CSGALNACT1: variants seen among roughly 807,000 people sequenced by gnomAD.
CSGALNACT1 encodes chondroitin sulfate N-acetylgalactosaminyltransferase 1, also known as beta4GalNAcT-1.
A neutral mutation model predicts 51.0 loss-of-function variants in CSGALNACT1; 52 were observed. The observed-to-expected ratio is 1.02, with a 90% CI of 0.82 to 1.29. CSGALNACT1 has a LOEUF of 1.29. Among genes scored for constraint, CSGALNACT1 ranks in the 50% most tolerant of loss-of-function variants. The pLI is 0.00. For missense variants in CSGALNACT1, 935 were observed against 679.2 expected (o/e 1.38, Z -4.19); for synonymous variants, 341 against 254.4 (o/e 1.34, Z -3.24).
intron 3 of CSGALNACT1, among the ~76,000 whole-genome samples, chr8:19,508,609 A>G (rs1186889396): frequency 6.6e-6 from 1 of 152,184 alleles, no homozygotes; most frequent in East Asian, 1.9e-4. Context: ...CAAGAATTAA[A>G]TTACCAGTGA....
chr8:19,635,553 T>C (rs543772629), intron 1 of CSGALNACT1, among the ~76,000 whole-genome samples: 1 of 152,194 alleles, frequency 6.6e-6, no homozygotes, highest in Non-Finnish European at 1.5e-5. Flanking sequence ...CCCCCTTGTC[T>C]GTAGTCTCAC....
chr8:19,604,698 G>A (rs868238614), upstream of CSGALNACT1, among the ~76,000 whole-genome samples: 11 of 150,158 alleles, frequency 7.3e-5, no homozygotes, highest in African/African-American at 2.7e-4. Flanking sequence ...ACAATGTCAG[G>A]AGATCAAGAC....
chr8:19,543,333 C>T (rs901439981), intron 3 of CSGALNACT1, among the ~76,000 whole-genome samples: 8 of 152,288 alleles, frequency 5.3e-5, no homozygotes, highest in Middle Eastern at 3.4e-3. Context: ...TAACATAGCA[C>T]GCCTGAGGCT....
exon 1 of CSGALNACT1, chr8:19,602,086 A>C (rs189204465): frequency 6.8e-5 from 20 of 293,890 alleles, no homozygotes; most frequent in Non-Finnish European, 1.3e-4. Flanking sequence ...AAACAGTGAT[A>C]ACCATGTCTA....
At chr8:19,537,415 G>A (rs1445183386) in intron 3 of CSGALNACT1, among the ~76,000 whole-genome samples, 1 of 152,176 alleles carries the variant, frequency 6.6e-6, no homozygotes, top group Non-Finnish European at 1.5e-5. Context: ...ATTTTTTAAA[G>A]CATGTGAACC....
chr8:19,486,319 G>A (rs1437502899), intron 4 of CSGALNACT1, among the ~76,000 whole-genome samples: 1 of 152,034 alleles, frequency 6.6e-6, no homozygotes, highest in Non-Finnish European at 1.5e-5. Flanking sequence ...CTGCCTAATG[G>A]TGGTCTCTGA....
chr8:19,618,653 A>AAAG (rs1564273027), intron 1 of CSGALNACT1, among the ~76,000 whole-genome samples: 19 of 91,400 alleles, frequency 2.1e-4, no homozygotes, highest in African/African-American at 1.0e-3. Flanking sequence ...AAAAAAAAAA[A>AAAG]AAAGAAAGAA....
intron 8 of CSGALNACT1, 112 bp downstream of exon 7, chr8:19,418,544 T>C (rs1415595272): frequency 2.6e-6 from 2 of 775,816 alleles, no homozygotes; most frequent in Middle Eastern, 2.2e-4. Context: ...TAAAAACTAC[T>C]AAGGGAATCA....
chr8:19,684,909 A>G (rs2060887347), upstream of CSGALNACT1, among the ~76,000 whole-genome samples: 2 of 152,234 alleles, frequency 1.3e-5, no homozygotes, highest in South Asian at 2.1e-4. Context: ...TTCTTTAAAA[A>G]AATGTGTGAA....
At chr8:19,667,831 T>C (rs1280603464) in intron 1 of CSGALNACT1, among the ~76,000 whole-genome samples, 1 of 152,220 alleles carries the variant, frequency 6.6e-6, no homozygotes, top group Non-Finnish European at 1.5e-5. Flanking sequence ...GGGTATTACA[T>C]ACTGGTAAGA....
chr8:19,516,372 C>T (rs1020896987), intron 3 of CSGALNACT1, among the ~76,000 whole-genome samples: 1 of 152,108 alleles, frequency 6.6e-6, no homozygotes, highest in African/African-American at 2.4e-5. Context: ...ACTGTTCAAC[C>T]CGCTTCATAA....
At chr8:19,614,149 G>A (rs376406303) in intron 1 of CSGALNACT1, among the ~76,000 whole-genome samples, 1 of 152,044 alleles carries the variant, frequency 6.6e-6, no homozygotes, top group African/African-American at 2.4e-5. Flanking sequence ...TTTTAAAAAC[G>A]TGTATTGATC....
At chr8:19,674,223 G>A (rs181494731) in intron 1 of CSGALNACT1, among the ~76,000 whole-genome samples, 72 of 152,292 alleles carry the variant, frequency 4.7e-4, no homozygotes, top group African/African-American at 1.7e-3. Flanking sequence ...AACCTGGGAG[G>A]TGGAGGTTGC....
At chr8:19,517,030 T>C (rs907774041) in intron 3 of CSGALNACT1, among the ~76,000 whole-genome samples, 3 of 152,224 alleles carry the variant, frequency 2.0e-5, no homozygotes, top group Non-Finnish European at 4.4e-5. Flanking sequence ...TCAAACCTGA[T>C]ATGTGGGTGT....
At chr8:19,704,222 C>T (rs1336289936) in intron 1 of CSGALNACT1, among the ~76,000 whole-genome samples, 2 of 152,146 alleles carry the variant, frequency 1.3e-5, no homozygotes, top group African/African-American at 4.8e-5. Context: ...GAATGTGCTG[C>T]CAAAGGAGAA....
Position 19,517,354 on chromosome 8 carries a change from C to T in CSGALNACT1, c.-296-11224G>A, listed in dbSNP as rs143889747. Among the ~76,000 whole-genome samples, 993 of 152,200 alleles carry T rather than the reference C, an allele frequency of 6.5e-3. 9 individuals carry two copies. Among genetic ancestry groups the T allele is most frequent in the African/African-American group, 0.022 (925 of 41,526 alleles). On this transcript the variant is annotated intron_variant, in intron 3 of 9. Transcript: ENST00000454498. Reference sequence around the variant, plus strand: ...GCTCGGGAGGCTGAGGCAGGAGAATCGCTTGAATCTGGGAGGCAGAGGTTG... The same window carrying T: ...GCTCGGGAGGCTGAGGCAGGAGAATTGCTTGAATCTGGGAGGCAGAGGTTG...
intron 1 of CSGALNACT1, among the ~76,000 whole-genome samples, chr8:19,631,001 C>T (rs886229720): frequency 6.6e-6 from 1 of 152,080 alleles, no homozygotes; most frequent in African/African-American, 2.4e-5. Flanking sequence ...CATTGGAGCT[C>T]GCTGGGTTTT....
At chr8:19,578,000 A>G (rs2044670316) in intron 3 of CSGALNACT1, among the ~76,000 whole-genome samples, 1 of 152,172 alleles carries the variant, frequency 6.6e-6, no homozygotes, top group African/African-American at 2.4e-5. Flanking sequence ...GTGTAGCCAC[A>G]CTGACTGGAG....
chr8:19,502,612 T>C (rs2076612783), intron 4 of CSGALNACT1, among the ~76,000 whole-genome samples: 1 of 152,212 alleles, frequency 6.6e-6, no homozygotes, highest in African/African-American at 2.4e-5. Flanking sequence ...ACTTTTCCCA[T>C]GGATTTTGAG....
Sources: allele counts gnomAD v4.1 joint callset (sites outside exome capture counted in the v4.1 genomes callset), GRCh38; gene constraint gnomAD v4.1.1; transcripts MANE v1.5; gene names NCBI Gene and HGNC (gene_info 2026-07-23, HGNC 2026-07-21).